Variants in ENTREP2 observed in about 807,000 individuals in gnomAD.
ENTREP2 encodes endosomal transmembrane epsin interactor 2.
the ENTREP2 span, among the ~76,000 whole-genome samples, chr15:29,149,627 C>T: frequency 3.9e-5 from 6 of 152,204 alleles, no homozygotes; most frequent in Non-Finnish European, 5.9e-5. Flanking sequence ...GCAGGGCACA[C>T]GCTTCATCTT....
At chr15:29,145,496 G>A in the ENTREP2 span, among the ~76,000 whole-genome samples, 8 of 151,746 alleles carry the variant, frequency 5.3e-5, no homozygotes, top group East Asian at 1.9e-4. Flanking sequence ...GGTGGCGGGC[G>A]CCTGTAGTCC....
the ENTREP2 span, chr15:29,268,137 A>C: frequency 4.6e-5 from 7 of 152,220 alleles, no homozygotes; most frequent in Non-Finnish European, 7.3e-5. Context: ...CGATTTAAAA[A>C]ACACACAATG....
At chr15:29,204,921 C>T in the ENTREP2 span, among the ~76,000 whole-genome samples, 4 of 152,234 alleles carry the variant, frequency 2.6e-5, no homozygotes, top group African/African-American at 7.2e-5. Context: ...CCACCATCCA[C>T]CTCCACAACT....
chr15:29,631,128 C>G, the ENTREP2 span, among the ~76,000 whole-genome samples: 2 of 152,128 alleles, frequency 1.3e-5, no homozygotes, highest in Non-Finnish European at 2.9e-5. Context: ...TTTTTTACAT[C>G]TTCTATTTCT....
the ENTREP2 span, among the ~76,000 whole-genome samples, chr15:29,425,065 G>A: frequency 6.6e-6 from 1 of 152,122 alleles, no homozygotes; most frequent in Non-Finnish European, 1.5e-5. Flanking sequence ...GTCTCGCTCT[G>A]TTGCCCAGGC....
the ENTREP2 span, among the ~76,000 whole-genome samples, chr15:29,468,422 C>A: frequency 6.6e-6 from 1 of 151,960 alleles, no homozygotes; most frequent in Non-Finnish European, 1.5e-5. Flanking sequence ...ACCAGCCTGG[C>A]GAACATAGTG....
the ENTREP2 span, among the ~76,000 whole-genome samples, chr15:29,284,280 G>A: frequency 6.6e-6 from 1 of 152,204 alleles, no homozygotes; most frequent in African/African-American, 2.4e-5. Flanking sequence ...TCTAGGGGCC[G>A]GGCGCGGTGG....
At chr15:29,565,087 T>G in the ENTREP2 span, among the ~76,000 whole-genome samples, 1 of 152,144 alleles carries the variant, frequency 6.6e-6, no homozygotes, top group South Asian at 2.1e-4. Flanking sequence ...ATTAAAAGTT[T>G]TAAAGTTTTC....
chr15:29,459,171 C>T, the ENTREP2 span, among the ~76,000 whole-genome samples: 2 of 152,180 alleles, frequency 1.3e-5, no homozygotes, highest in African/African-American at 4.8e-5. Flanking sequence ...GCCAGCCTCC[C>T]GCACCACTCC....
chr15:29,645,803 G>A, the ENTREP2 span, among the ~76,000 whole-genome samples: 7 of 152,024 alleles, frequency 4.6e-5, no homozygotes, highest in African/African-American at 9.6e-5. Flanking sequence ...CTCGTGATCC[G>A]CCCACTCAGC....
the ENTREP2 span, among the ~76,000 whole-genome samples, chr15:29,556,417 T>A: frequency 9.4e-3 from 1,428 of 152,238 alleles, 15 homozygotes; most frequent in Admixed American, 0.026. Context: ...GATTAAAGAA[T>A]TAGGCAGTCA....
At chr15:29,158,994 C>CAT in the ENTREP2 span, among the ~76,000 whole-genome samples, 1 of 152,062 alleles carries the variant, frequency 6.6e-6, no homozygotes, top group Admixed American at 6.6e-5. Flanking sequence ...AATGTACATA[C>CAT]ATATAGCCTA....
the ENTREP2 span, among the ~76,000 whole-genome samples, chr15:29,553,935 T>C: frequency 0.45 from 67,812 of 151,970 alleles, 16,189 homozygotes; most frequent in African/African-American, 0.63. Context: ...CCAACAAGAT[T>C]ATAAACAAAA....
At chr15:29,640,262 T>C in the ENTREP2 span, among the ~76,000 whole-genome samples, 1 of 152,060 alleles carries the variant, frequency 6.6e-6, no homozygotes, top group African/African-American at 2.4e-5. Flanking sequence ...ATGACTTAGG[T>C]GAAATGGACA....
chr15:29,347,544 T>C, the ENTREP2 span, among the ~76,000 whole-genome samples: 1 of 152,184 alleles, frequency 6.6e-6, no homozygotes, highest in African/African-American at 2.4e-5. Context: ...TTTCATTTAA[T>C]ATAGATACCC....
chr15:29,486,191 A>AC, the ENTREP2 span, among the ~76,000 whole-genome samples: 6,226 of 120,458 alleles, frequency 0.052, 430 homozygotes, highest in African/African-American at 0.17. Flanking sequence ...CACACACACA[A>AC]ACACACAATA....
chr15:29,150,538 T>C, the ENTREP2 span, among the ~76,000 whole-genome samples: 3 of 152,174 alleles, frequency 2.0e-5, no homozygotes, highest in South Asian at 4.2e-4. Context: ...ACAGAACACG[T>C]TGGAGAAAAT....
the ENTREP2 span, among the ~76,000 whole-genome samples, chr15:29,381,357 T>C: frequency 6.9e-6 from 1 of 144,374 alleles, no homozygotes; most frequent in Admixed American, 7.2e-5. Flanking sequence ...TTCAGGAGGC[T>C]GAGGCAGAGA....
the ENTREP2 span, among the ~76,000 whole-genome samples, chr15:29,342,240 G>A: frequency 1.3e-5 from 2 of 152,174 alleles, no homozygotes; most frequent in Non-Finnish European, 2.9e-5. Context: ...GGTGGGATTT[G>A]TATGTGTATG....
Sources: allele counts gnomAD v4.1 joint callset (sites outside exome capture counted in the v4.1 genomes callset), GRCh38; gene constraint gnomAD v4.1.1; transcripts MANE v1.5; gene names NCBI Gene and HGNC (gene_info 2026-07-23, HGNC 2026-07-21).